COL25A1: variants seen among roughly 807,000 people sequenced by gnomAD.
COL25A1 encodes collagen alpha-1(XXV) chain.
In COL25A1, 103 loss-of-function variants were observed where a neutral mutation model predicts 128.4. That is an observed-to-expected ratio of 0.80 (90% CI 0.68 to 0.94). The LOEUF (loss-of-function observed/expected upper bound fraction) is 0.94, where lower values mean the gene tolerates loss of function less well. Ranked by LOEUF, COL25A1 falls within the 40% of genes least tolerant of loss-of-function variation. COL25A1 has a pLI of 0.00. For synonymous variants in COL25A1, 279 were observed against 277.2 expected, an observed-to-expected ratio of 1.01 and a Z score of -0.06; for missense variants, 745 against 840.0, an observed-to-expected ratio of 0.89 and a Z score of 1.40.
At chr4:108,833,931 T>C (rs1033463314) in intron 31 of COL25A1, among the ~76,000 whole-genome samples, 2 of 152,238 alleles carry the variant, frequency 1.3e-5, no homozygotes, top group Non-Finnish European at 2.9e-5. Flanking sequence ...TTACATTTGA[T>C]GGACATCAGT....
At chr4:109,173,746 T>C (rs1309773473) in intron 3 of COL25A1, among the ~76,000 whole-genome samples, 2 of 152,318 alleles carry the variant, frequency 1.3e-5, no homozygotes, top group Non-Finnish European at 2.9e-5. Context: ...AACATAATTA[T>C]TGTCAACTAT....
chr4:108,907,107 C>G (rs897276036), intron 13 of COL25A1, among the ~76,000 whole-genome samples: 2 of 152,126 alleles, frequency 1.3e-5, no homozygotes, highest in African/African-American at 4.8e-5. Flanking sequence ...CCAAGTCATG[C>G]CCAGTTCAGT....
intron 24 of COL25A1, among the ~76,000 whole-genome samples, chr4:108,858,889 T>C (rs945405362): frequency 2.6e-5 from 4 of 152,082 alleles, no homozygotes; most frequent in South Asian, 2.1e-4. Flanking sequence ...TTGATATCAA[T>C]ATCACAAAAA....
intron 3 of COL25A1, among the ~76,000 whole-genome samples, chr4:109,142,956 G>T (rs1319943059): frequency 6.6e-6 from 1 of 152,128 alleles, no homozygotes; most frequent in African/African-American, 2.4e-5. Flanking sequence ...TCATTATGAT[G>T]CTAGCTGATT....
At chr4:109,007,823 C>A (rs1257809022) in intron 6 of COL25A1, among the ~76,000 whole-genome samples, 1 of 152,102 alleles carries the variant, frequency 6.6e-6, no homozygotes, top group African/African-American at 2.4e-5. Flanking sequence ...CCATGATATA[C>A]GTTCATTCTT....
At chr4:108,996,950 C>A (rs1246853284) in intron 6 of COL25A1, among the ~76,000 whole-genome samples, 2 of 152,094 alleles carry the variant, frequency 1.3e-5, no homozygotes, top group African/African-American at 4.8e-5. Context: ...CACGATGTAC[C>A]AGAATCACTG....
rs1053108055 is a variant in COL25A1 at position 108,817,816 on chromosome 4, C to T, written c.1924-381G>A. Reference sequence around the variant, plus strand: ...CGTAAACCAAAATAACTTCTCTTCCCGGTCACTATTAGACTATGGCTGAAT... The same window carrying T: ...CGTAAACCAAAATAACTTCTCTTCCTGGTCACTATTAGACTATGGCTGAAT... On this transcript the variant is annotated intron_variant, in intron 36 of 37. Transcript: ENST00000399132. 1.2e-4 allele frequency among the ~76,000 whole-genome samples: 19 copies of T among 152,006 alleles called. No individual in the cohort carries two copies. In the East Asian group the frequency reaches 2.1e-3, roughly 17 times the overall value.
chr4:109,171,437 A>T (rs372913988), intron 3 of COL25A1, among the ~76,000 whole-genome samples: 13 of 152,322 alleles, frequency 8.5e-5, no homozygotes, highest in African/African-American at 3.1e-4. Flanking sequence ...TAGCACCCTT[A>T]TAAGAAGAGG....
At chr4:109,164,705 T>C (rs1380152724) in intron 3 of COL25A1, among the ~76,000 whole-genome samples, 2 of 152,192 alleles carry the variant, frequency 1.3e-5, no homozygotes, top group Non-Finnish European at 2.9e-5. Flanking sequence ...CAAATAAAAT[T>C]ATGCAAATTC....
chr4:108,831,340 C>T (rs561360106), intron 32 of COL25A1, among the ~76,000 whole-genome samples: 1 of 152,160 alleles, frequency 6.6e-6, no homozygotes, highest in South Asian at 2.1e-4. Context: ...CCATGCTTTG[C>T]ACATAGTAGC....
At chr4:109,033,062 C>G (rs1174368695) in intron 5 of COL25A1, among the ~76,000 whole-genome samples, 1 of 152,224 alleles carries the variant, frequency 6.6e-6, no homozygotes. Context: ...CAGTATGAAC[C>G]TTCAGAAATA....
At chr4:109,196,311 AC>A (rs966863367) in intron 3 of COL25A1, among the ~76,000 whole-genome samples, 1 of 152,214 alleles carries the variant, frequency 6.6e-6, no homozygotes, top group Non-Finnish European at 1.5e-5. Context: ...TGGTATCTAA[AC>A]AAAAAGGAGA....
At chr4:109,085,283 ACT>A (rs748542060) in intron 3 of COL25A1, among the ~76,000 whole-genome samples, 4 of 152,136 alleles carry the variant, frequency 2.6e-5, no homozygotes, top group Non-Finnish European at 5.9e-5. Context: ...GAACCTTCAG[ACT>A]CTGCAAATTC....
chr4:109,012,726 C>T (rs996464223), intron 5 of COL25A1, among the ~76,000 whole-genome samples: 3 of 152,318 alleles, frequency 2.0e-5, no homozygotes, highest in Admixed American at 6.5e-5. Flanking sequence ...GGGCAGGGCT[C>T]AGGACCTGCA....
At chr4:108,940,300 G>A (rs1037766266) in intron 10 of COL25A1, among the ~76,000 whole-genome samples, 7 of 152,086 alleles carry the variant, frequency 4.6e-5, no homozygotes, top group African/African-American at 1.7e-4. Flanking sequence ...GGTTTGCTTG[G>A]ATTCCCAGTG....
At chr4:109,174,004 G>T (rs1420742901) in intron 3 of COL25A1, among the ~76,000 whole-genome samples, 1 of 151,998 alleles carries the variant, frequency 6.6e-6, no homozygotes, top group African/African-American at 2.4e-5. Context: ...TTTTAGATTT[G>T]GGATGCTCAA....
intron 3 of COL25A1, among the ~76,000 whole-genome samples, chr4:109,156,126 G>T (rs546884485): frequency 2.0e-5 from 3 of 152,166 alleles, no homozygotes; most frequent in East Asian, 1.9e-4. Context: ...TCCTGAGAAA[G>T]AATCCCAATT....
chr4:109,030,433 A>G (rs1758728224), intron 5 of COL25A1, among the ~76,000 whole-genome samples: 1 of 152,210 alleles, frequency 6.6e-6, no homozygotes, highest in Non-Finnish European at 1.5e-5. Flanking sequence ...GGCAGGGGCA[A>G]GGAATGAGCT....
chr4:108,850,026 C>T (rs1290591239), intron 26 of COL25A1, among the ~76,000 whole-genome samples: 1 of 152,130 alleles, frequency 6.6e-6, no homozygotes, highest in African/African-American at 2.4e-5. Flanking sequence ...AACAAGTCTG[C>T]TGAGGTTGGA....
Sources: allele counts gnomAD v4.1 joint callset (sites outside exome capture counted in the v4.1 genomes callset), GRCh38; gene constraint gnomAD v4.1.1; transcripts MANE v1.5; gene names NCBI Gene and HGNC (gene_info 2026-07-23, HGNC 2026-07-21).